Variants in ZNF423 observed in about 807,000 individuals in gnomAD.
The protein encoded by ZNF423 is Ebf-associated zinc finger protein.
Under a neutral mutation model 95.8 loss-of-function variants are expected in ZNF423, and 12 were observed. The ratio of observed to expected loss-of-function variants is 0.13; its 90% CI spans 0.08 to 0.20. The LOEUF is 0.20. Among genes scored for constraint, ZNF423 ranks in the 10% least tolerant of loss-of-function variants. ZNF423 has a pLI of 1.00. For synonymous variants in ZNF423, 749 were observed against 711.9 expected (o/e 1.05, Z -0.83); for missense variants, 1,316 against 1,737.1 (o/e 0.76, Z 4.31).
chr16:49,676,365 T>G (rs1460525643), intron 3 of ZNF423, among the ~76,000 whole-genome samples: 2 of 152,200 alleles, frequency 1.3e-5, no homozygotes, highest in South Asian at 2.1e-4. Flanking sequence ...AGGGCTGCAG[T>G]CATCCAGGCT....
At chr16:49,761,413 C>T (rs1433955994) in intron 2 of ZNF423, among the ~76,000 whole-genome samples, 4 of 152,206 alleles carry the variant, frequency 2.6e-5, no homozygotes, top group Admixed American at 2.6e-4. Context: ...CGAGCCTGCT[C>T]AAATGCAGAT....
chr16:49,550,516 A>G (rs1351261782), intron 5 of ZNF423, among the ~76,000 whole-genome samples: 3 of 152,262 alleles, frequency 2.0e-5, no homozygotes, highest in Admixed American at 2.0e-4. Context: ...CTGCTTGGCC[A>G]AGGCCACACA....
chr16:49,658,760 G>A (rs543425189), intron 3 of ZNF423, among the ~76,000 whole-genome samples: 13 of 152,372 alleles, frequency 8.5e-5, no homozygotes, highest in African/African-American at 2.9e-4. Flanking sequence ...GGATTCCGGA[G>A]TGTGGGGCAG....
intron 5 of ZNF423, among the ~76,000 whole-genome samples, chr16:49,596,970 G>C (rs1197626225): frequency 6.6e-6 from 1 of 152,212 alleles, no homozygotes; most frequent in African/African-American, 2.4e-5. Flanking sequence ...TCGGCCACGT[G>C]GCTCCTCTCT....
At chr16:49,663,598 G>T (rs978128564) in intron 3 of ZNF423, among the ~76,000 whole-genome samples, 1 of 152,238 alleles carries the variant, frequency 6.6e-6, no homozygotes. Context: ...AGTGGTGCAG[G>T]AAGTGGGACA....
chr16:49,518,355 G>C (rs1001426733), intron 7 of ZNF423: 1 of 422,196 alleles, frequency 2.4e-6, no homozygotes, highest in African/African-American at 2.1e-5. Context: ...TTTCCACAAA[G>C]AATATCATAA....
At chr16:49,503,932 C>T (rs1389196936) in intron 7 of ZNF423, among the ~76,000 whole-genome samples, 2 of 152,230 alleles carry the variant, frequency 1.3e-5, no homozygotes, top group Non-Finnish European at 1.5e-5. Flanking sequence ...CTTGCCCCGG[C>T]CATGCCCAGA....
chr16:49,852,864 C>T (rs1469155639), intron 1 of ZNF423, among the ~76,000 whole-genome samples: 1 of 152,150 alleles, frequency 6.6e-6, no homozygotes, highest in Non-Finnish European at 1.5e-5. Flanking sequence ...CAAGGGACCC[C>T]ACTCCAGAAG....
At position 49,638,251 on chromosome 16, in the gene ZNF423, G is replaced by T. The variant is rs977139158; in HGVS notation, c.925C>A (p.Pro309Thr). The stretch of plus-strand genomic sequence containing the variant: ...GTGTTCTCGTCGACGAAGACCTCAG[G>T]GCAGTGAATGCACTGCAGGTCCGCC... ...EKADLQCIHC[P>T]EVFVDENTLL... Residue 309 changes from proline to threonine, a missense_variant, in exon 4 of 8, where the codon CCT becomes ACT. Around this residue, in one of 6 missense-constraint regions of ZNF423, gnomAD observed 399 missense variants for 478.5 expected, o/e 0.83. Transcript: ENST00000563137. The surrounding 1 kb of genome is among the most constrained non-coding windows in gnomAD (Gnocchi z 5.6). 6.2e-7 allele frequency: 1 copy of T among 1,611,976 alleles called. No individual in the cohort carries two copies. Among genetic ancestry groups the T allele is most frequent in the Non-Finnish European group, 8.5e-7 (1 of 1,180,036 alleles).
chr16:49,633,092 A>G (rs528003214), intron 4 of ZNF423, among the ~76,000 whole-genome samples: 23 of 152,320 alleles, frequency 1.5e-4, no homozygotes, highest in African/African-American at 5.3e-4. Context: ...GGTCAAGATC[A>G]GGGGCTGTGG....
At chr16:49,808,698 C>A (rs1296618054) in intron 1 of ZNF423, among the ~76,000 whole-genome samples, 1 of 152,194 alleles carries the variant, frequency 6.6e-6, no homozygotes, top group Non-Finnish European at 1.5e-5. Flanking sequence ...CACACTCTGG[C>A]AAGCAGTGAA....
chr16:49,806,240 G>GCCACACAACAGC (rs1427259623), intron 1 of ZNF423, among the ~76,000 whole-genome samples: 2 of 152,202 alleles, frequency 1.3e-5, no homozygotes, highest in Admixed American at 1.3e-4. Flanking sequence ...CCAGGGAGGG[G>GCCACACAACAGC]CCACACAACA....
At chr16:49,740,417 G>A (rs1408041821) in intron 2 of ZNF423, among the ~76,000 whole-genome samples, 1 of 152,194 alleles carries the variant, frequency 6.6e-6, no homozygotes, top group Non-Finnish European at 1.5e-5. Context: ...CCCCAATTCC[G>A]CACTCGGCTT....
chr16:49,747,656 T>TA (rs10701037), intron 2 of ZNF423, among the ~76,000 whole-genome samples: 65,381 of 147,328 alleles, frequency 0.44, 14,632 homozygotes, highest in African/African-American at 0.55. Context: ...ATATTTCATT[T>TA]AAAAAAAAAA....
At chr16:49,778,104 A>G (rs1328673308) in intron 2 of ZNF423, among the ~76,000 whole-genome samples, 1 of 152,206 alleles carries the variant, frequency 6.6e-6, no homozygotes, top group East Asian at 1.9e-4. Context: ...GACAAAGGAG[A>G]ACAAATTATC....
At chr16:49,607,255 T>G (rs1971569576) in intron 5 of ZNF423, among the ~76,000 whole-genome samples, 1 of 152,108 alleles carries the variant, frequency 6.6e-6, no homozygotes, top group South Asian at 2.1e-4. Flanking sequence ...GAAAGGTGCC[T>G]TTTGTGGCTC....
chr16:49,599,394 C>T (rs1440398322), intron 5 of ZNF423, among the ~76,000 whole-genome samples: 1 of 152,210 alleles, frequency 6.6e-6, no homozygotes, highest in Non-Finnish European at 1.5e-5. Context: ...TTCCCTGGGA[C>T]TGTGCTGAGC....
intron 3 of ZNF423, among the ~76,000 whole-genome samples, chr16:49,684,893 C>T (rs1001079106): frequency 6.6e-6 from 1 of 152,214 alleles, no homozygotes; most frequent in African/African-American, 2.4e-5. Context: ...CCAGGCTCTG[C>T]ACACACCAGG....
chr16:49,624,131 T>C (rs1001643520), intron 5 of ZNF423, among the ~76,000 whole-genome samples: 5 of 152,118 alleles, frequency 3.3e-5, no homozygotes, highest in Non-Finnish European at 5.9e-5. Flanking sequence ...CCATTTTATA[T>C]ACATATTTAC....
Sources: allele counts gnomAD v4.1 joint callset (sites outside exome capture counted in the v4.1 genomes callset), GRCh38; gene constraint gnomAD v4.1.1; regional missense constraint gnomAD v4.1.1; non-coding constraint Gnocchi (gnomAD v3.1); transcripts MANE v1.5; gene names NCBI Gene and HGNC (gene_info 2026-07-23, HGNC 2026-07-21).